Variants in HPS5 observed in about 807,000 individuals in gnomAD.
The protein encoded by HPS5 is BLOC-2 complex member HPS5.
HPS5 carries 83 observed loss-of-function variants against 128.0 expected under a neutral mutation model. That is an observed-to-expected ratio of 0.65 (90% CI 0.54 to 0.78). The LOEUF is 0.78. Among genes scored for constraint, HPS5 ranks in the 30% least tolerant of loss-of-function variants. The pLI is 0.00. For missense variants in HPS5, 1,281 were observed against 1,326.2 expected, an observed-to-expected ratio of 0.97 and a Z score of 0.53; for synonymous variants, 475 against 470.2, an observed-to-expected ratio of 1.01 and a Z score of -0.13.
rs915967368 is a variant in HPS5 at position 18,279,974 on chromosome 11, T to A, written c.3330-32A>T. ...TCCCAAAGAAAAGAAACAAGCAAAT[T>A]TAGTTGTCATTGTTCATTCTTCACA... On this transcript the variant is annotated intron_variant, in intron 22 of 22. Transcript: ENST00000349215. The A allele has an allele frequency of 2.5e-6, 4 of 1,601,720 alleles. No individual in the cohort carries two copies. In the African/African-American group the frequency reaches 5.4e-5, roughly 21 times the overall value.
chr11:18,295,980 A>G lies in HPS5; in HGVS notation c.1634+19T>C, dbSNP rs773105246. Reference sequence around the variant, plus strand: ...ATAAGATCAGTAATGGAATTAAATGACAAGACTAATTGGTTTACCTTTCTT... The same window carrying G: ...ATAAGATCAGTAATGGAATTAAATGGCAAGACTAATTGGTTTACCTTTCTT... On this transcript the variant is annotated intron_variant, in intron 13 of 22. Coordinates refer to ENST00000349215, the MANE Select transcript of HPS5 (RefSeq NM_181507.2). 6.2e-7 allele frequency: 1 copy of G among 1,609,672 alleles called. No homozygotes were observed. The highest frequency in any genetic ancestry group is 8.5e-7 in the Non-Finnish European group (1 of 1,175,926).
At chr11:18,283,713 G>T in intron 21 of HPS5, 82 bp downstream of exon 21, 3 of 886,010 alleles carry the variant, frequency 3.4e-6, no homozygotes, top group East Asian at 2.4e-5. Context: ...TCATTGAAAG[G>T]TTCACCAAAT....
chr11:18,294,769 G>A (rs895955894), intron 14 of HPS5, among the ~76,000 whole-genome samples: 4 of 152,130 alleles, frequency 2.6e-5, no homozygotes, highest in Middle Eastern at 3.4e-3. Flanking sequence ...CGGGCCACAT[G>A]GGAAGAATTG....
At chr11:18,303,957 G>A (rs1337809114) in intron 8 of HPS5, among the ~76,000 whole-genome samples, 1 of 151,408 alleles carries the variant, frequency 6.6e-6, no homozygotes, top group Non-Finnish European at 1.5e-5. Context: ...CCAGGCATTA[G>A]GCCAAGCATT....
At chr11:18,285,246 C>G (rs959217886) in intron 20 of HPS5, 100 bp downstream of exon 20, 80 of 661,484 alleles carry the variant, frequency 1.2e-4, no homozygotes, top group Non-Finnish European at 1.9e-4. Flanking sequence ...CAAAGAGAAT[C>G]CCCAAATATT....
chr11:18,292,095 T>A, intron 15 of HPS5, 76 bp from the exon 16 acceptor site: 2 of 1,132,900 alleles, frequency 1.8e-6, no homozygotes, highest in Non-Finnish European at 2.7e-6. Flanking sequence ...GCTAATAAAT[T>A]AACCTAACCA....
chr11:18,291,341 G>T, intron 16 of HPS5, 101 bp downstream of exon 16: 1 of 757,472 alleles, frequency 1.3e-6, no homozygotes, highest in Non-Finnish European at 2.3e-6. Flanking sequence ...CAGAACAGAT[G>T]TGATTTTCTA....
rs1373128507 is a variant in HPS5, at chr11:18,279,884, A to G, written c.3388T>C (p.Ter1130GlnextTer12). Residue 1130 changes from the stop codon to glutamine (Q), a stop_lost, in exon 23 of 23, where the codon TAG becomes CAG. Transcript: ENST00000349215. Reference protein sequence around the residue: ...CDRFLWSQQA* With the variant: ...CDRFLWSQQAQ Reference sequence around the variant, plus strand: ...ACATCCTGCTGAATCTTCTCCCACTAGGCCTGCTGGGACCAGAGAAACCGA... The same window carrying G: ...ACATCCTGCTGAATCTTCTCCCACTGGGCCTGCTGGGACCAGAGAAACCGA... The G allele has an allele frequency of 6.2e-7, 1 of 1,613,832 alleles. No homozygotes were observed. The highest frequency in any genetic ancestry group is 8.5e-7 in the Non-Finnish European group (1 of 1,179,692).
intron 12 of HPS5, chr11:18,296,584 T>C: frequency 1.5e-6 from 1 of 651,088 alleles, no homozygotes; most frequent in South Asian, 1.8e-5. Context: ...AAACAGGCCC[T>C]AATGTTAGTC....
At chr11:18,299,177 AAG>A (rs574151428) in intron 9 of HPS5, among the ~76,000 whole-genome samples, 1 of 152,252 alleles carries the variant, frequency 6.6e-6, no homozygotes, top group South Asian at 2.1e-4. Context: ...GATGTGAAGA[AAG>A]AACTATATCT....
chr11:18,286,574 G>A lies in HPS5; in HGVS notation c.2837+17C>T, dbSNP rs781780480. On this transcript the variant is annotated intron_variant, in intron 19 of 22. Transcript: ENST00000349215. ...AAAAGTAAAGAAAAAAACAAAGAAA[G>A]AGGACTTCTTCTGTACCTGGGATAA... is the stretch of plus-strand genomic sequence containing the variant. 22 of 1,612,472 alleles carry A rather than the reference G, an allele frequency of 1.4e-5. No homozygotes were observed. The highest frequency in any genetic ancestry group is 1.9e-5 in the Non-Finnish European group (22 of 1,179,062).
At chr11:18,283,470 T>C (rs535836812) in intron 21 of HPS5, among the ~76,000 whole-genome samples, 1 of 151,078 alleles carries the variant, frequency 6.6e-6, no homozygotes, top group African/African-American at 2.4e-5. Flanking sequence ...ATCTGGAAAG[T>C]GGAAATAATA....
At position 18,308,948 on chromosome 11, in the gene HPS5, C is replaced by G. The variant is rs1322474794; in HGVS notation, c.609G>C (p.Glu203Asp). The change falls in exon 6 of 23, where the codon GAG becomes GAC. Residue 203 changes from glutamate to aspartate, a missense_variant and splice_region_variant. Glu to Asp is a conservative substitution (Grantham distance 45, BLOSUM62 2). Coordinates refer to ENST00000349215, the MANE Select transcript of HPS5 (RefSeq NM_181507.2). ...SLTRSFLCDT[E>D]REKFWKIGNK... Reference sequence around the variant, plus strand: ...TGACTAATGGTTGGTCAATATACCTCTCAGTGTCACACAAGAAGGATCGAG... The same window carrying G: ...TGACTAATGGTTGGTCAATATACCTGTCAGTGTCACACAAGAAGGATCGAG... 1.2e-6 allele frequency: 2 copies of G among 1,614,074 alleles called. No individual in the cohort carries two copies. The highest frequency in any genetic ancestry group is 1.7e-6 in the Non-Finnish European group (2 of 1,179,950).
At chr11:18,300,382 A>G (rs2134369443) in intron 9 of HPS5, among the ~76,000 whole-genome samples, 1 of 152,300 alleles carries the variant, frequency 6.6e-6, no homozygotes, top group South Asian at 2.1e-4. Context: ...TCTATGGTCA[A>G]TCTTTAAAAG....
At chr11:18,307,281 A>T (rs1013454603) in intron 6 of HPS5, among the ~76,000 whole-genome samples, 5 of 152,236 alleles carry the variant, frequency 3.3e-5, no homozygotes, top group African/African-American at 9.6e-5. Context: ...CTCTAGCATG[A>T]ATTTACTAGT....
At chr11:18,317,239 C>A (rs1381578845) in intron 2 of HPS5, among the ~76,000 whole-genome samples, 2 of 147,480 alleles carry the variant, frequency 1.4e-5, no homozygotes, top group African/African-American at 4.9e-5. Flanking sequence ...CATTCCAATG[C>A]TTCTCCGGGC....
intron 1 of HPS5, among the ~76,000 whole-genome samples, chr11:18,321,001 C>A (rs895012384): frequency 2.6e-5 from 4 of 152,148 alleles, no homozygotes; most frequent in African/African-American, 4.8e-5. Context: ...TCAAATGCAA[C>A]AATGGATATA....
Position 18,282,052 on chromosome 11 carries a change from T to G in HPS5, c.3227A>C (p.Asp1076Ala), listed in dbSNP as rs1306259495. 6.2e-7 allele frequency: 1 copy of G among 1,614,208 alleles called. No individual in the cohort carries two copies. Among genetic ancestry groups the G allele is most frequent in the South Asian group, 1.1e-5 (1 of 91,088 alleles). The change falls in exon 22 of 23, where the codon GAT becomes GCT. Residue 1076 changes from aspartate to alanine, a missense_variant. Transcript: ENST00000349215. ...TTCCTGTAGCAGTGACCAAGCCCGA[T>G]CTGGGCCCATGGCCTTAGCTAACAG... ...ALLLAKAMGP[D>A]RAWSLLQECG...
At chr11:18,294,605 T>C (rs1318616744) in intron 14 of HPS5, among the ~76,000 whole-genome samples, 2 of 152,184 alleles carry the variant, frequency 1.3e-5, no homozygotes, top group Non-Finnish European at 2.9e-5. Flanking sequence ...CTCTGCTCAA[T>C]AGATCTGCTT....
Sources: gnomAD v4.1 joint callset for allele counts (sites outside exome capture counted in the v4.1 genomes callset) on GRCh38, gnomAD v4.1.1 for gene constraint, MANE v1.5 for transcripts, NCBI Gene and HGNC (gene_info 2026-07-23, HGNC 2026-07-21) for gene names.